The following ITGA8 variants were observed in gnomAD, a reference collection of about 807,000 sequenced individuals.
ITGA8 encodes the protein integrin subunit alpha 8.
A neutral mutation model predicts 142.3 loss-of-function variants in ITGA8; 91 were observed. The ratio of observed to expected loss-of-function variants is 0.64; its 90% CI spans 0.54 to 0.76. The LOEUF is 0.76. ITGA8 is among the 30% of genes least tolerant of loss of function. The pLI, the probability that ITGA8 is intolerant of heterozygous loss-of-function variation, is 0.00. For missense variants in ITGA8, 1,406 were observed against 1,327.7 expected (o/e 1.06, Z -0.92); for synonymous variants, 505 against 485.2 (o/e 1.04, Z -0.54).
At chr10:15,703,626 A>G (rs1265978718) in intron 2 of ITGA8, among the ~76,000 whole-genome samples, 2 of 152,206 alleles carry the variant, frequency 1.3e-5, no homozygotes, top group East Asian at 3.8e-4. Flanking sequence ...AGTGTGACAC[A>G]CAGAGCTGGT....
intron 27 of ITGA8, among the ~76,000 whole-genome samples, chr10:15,546,789 TG>T (rs1378123140): frequency 4.4e-5 from 4 of 91,304 alleles, no homozygotes; most frequent in Non-Finnish European, 8.6e-5. Context: ...GAAAAAGCAA[TG>T]AAAAAATAAA....
chr10:15,640,377 C>T (rs1181467110), intron 13 of ITGA8, among the ~76,000 whole-genome samples: 2 of 152,162 alleles, frequency 1.3e-5, no homozygotes, highest in Non-Finnish European at 2.9e-5. Context: ...CTGATGTTAT[C>T]GCTCTCAGGT....
rs76383213 is a variant in ITGA8, at chr10:15,605,498, T to A, written c.1970+226A>T. ...AAAACATTTTTTTCCCCACTTTTGC[T>A]GAAAGATGAAACGACCCAGGCAAAA... On this transcript the variant is annotated intron_variant, in intron 19 of 29. Coordinates refer to ENST00000378076, the MANE Select transcript of ITGA8 (RefSeq NM_003638.3). Among the ~76,000 whole-genome samples the A allele has an allele frequency of 1.7e-3, 262 of 152,216 alleles. 3 individuals carry two copies. Among genetic ancestry groups the A allele is most frequent in the African/African-American group, 6.1e-3 (252 of 41,532 alleles).
intron 4 of ITGA8, among the ~76,000 whole-genome samples, chr10:15,682,332 A>T (rs960814322): frequency 6.6e-6 from 1 of 152,150 alleles, no homozygotes; most frequent in Admixed American, 6.5e-5. Flanking sequence ...TTACTGCTCA[A>T]TGTGTGGTTT....
At chr10:15,662,326 CTTTTTTTTTTT>C (rs200922550) in intron 8 of ITGA8, among the ~76,000 whole-genome samples, 12,207 of 72,996 alleles carry the variant, frequency 0.17, 875 homozygotes, top group East Asian at 0.41. Context: ...TCAGAAGGTC[CTTTTTTTTTTT>C]TTTTTTTTTT....
intron 13 of ITGA8, among the ~76,000 whole-genome samples, chr10:15,618,568 A>G (rs1235253534): frequency 1.3e-5 from 2 of 152,124 alleles, no homozygotes; most frequent in Admixed American, 1.3e-4. Flanking sequence ...GCCAAAGGAG[A>G]TTAACATTTG....
intron 26 of ITGA8, among the ~76,000 whole-genome samples, chr10:15,554,282 G>A (rs17137460): frequency 6.6e-6 from 1 of 152,016 alleles, no homozygotes; most frequent in African/African-American, 2.4e-5. Flanking sequence ...TGATAACTCC[G>A]ACCGGGACCC....
At chr10:15,669,299 A>G (rs1012801391) in intron 8 of ITGA8, among the ~76,000 whole-genome samples, 7 of 152,022 alleles carry the variant, frequency 4.6e-5, no homozygotes, top group African/African-American at 1.7e-4. Flanking sequence ...CCTTTCTTCC[A>G]GTTGATTGCG....
chr10:15,684,419 T>C (rs1224606453), intron 3 of ITGA8, among the ~76,000 whole-genome samples: 3 of 151,466 alleles, frequency 2.0e-5, no homozygotes, highest in Admixed American at 2.0e-4. Flanking sequence ...CAGGCTGGAG[T>C]GCAGAGGCAT....
At position 15,606,515 on chromosome 10, in the gene ITGA8, A is replaced by G. The variant is rs148769124; in HGVS notation, c.1765-93T>C. On this transcript the variant is annotated intron_variant, in intron 17 of 29. Transcript: ENST00000378076. ...GTCAGGCAACACTGGAATTTACTCA[A>G]TGAAAGTGAATGATGAAACAATTAT... 61 of 1,171,240 alleles carry G rather than the reference A, an allele frequency of 5.2e-5. No homozygotes were observed. In the Admixed American group the frequency reaches 8.3e-4, roughly 16 times the overall value. 72.6% of individuals were successfully genotyped at this position (1,171,240 alleles called of 1,614,324 possible).
Position 15,642,907 on chromosome 10 carries a change from C to T in ITGA8, c.1399+1123G>A, listed in dbSNP as rs561959854. ...AAAATAGCTCTACATATGGAAAATT[C>T]CCAATCAGGGGAGGGGCTAGTGGAA... On this transcript the variant is annotated intron_variant, in intron 13 of 29. Transcript: ENST00000378076. Among the ~76,000 whole-genome samples the T allele has an allele frequency of 4.7e-4, 71 of 152,236 alleles. 1 individual carries two copies. The South Asian group carries it at 0.014, about 30-fold the overall frequency.
chr10:15,637,543 C>T (rs1033578311), intron 13 of ITGA8, among the ~76,000 whole-genome samples: 1 of 146,326 alleles, frequency 6.8e-6, no homozygotes, highest in African/African-American at 2.5e-5. Flanking sequence ...CAGGGTCTCA[C>T]TCCTGTTGTC....
At chr10:15,603,603 G>T (rs1833142037) in intron 20 of ITGA8, among the ~76,000 whole-genome samples, 1 of 152,192 alleles carries the variant, frequency 6.6e-6, no homozygotes, top group South Asian at 2.1e-4. Context: ...TTCATGTTCT[G>T]ATAAGGAAGG....
chr10:15,629,562 C>T (rs766896830), intron 13 of ITGA8, among the ~76,000 whole-genome samples: 27 of 152,150 alleles, frequency 1.8e-4, no homozygotes, highest in Admixed American at 6.5e-4. Flanking sequence ...TTTTCCCTAC[C>T]CTCCTCTTAA....
intron 25 of ITGA8, among the ~76,000 whole-genome samples, chr10:15,558,794 C>T (rs1833927180): frequency 6.6e-6 from 1 of 152,208 alleles, no homozygotes; most frequent in South Asian, 2.1e-4. Context: ...CTGTTTTCAG[C>T]CCTGAGTTCG....
chr10:15,671,526 G>C (rs1162690344), intron 8 of ITGA8, 77 bp downstream of exon 8: 5 of 1,196,920 alleles, frequency 4.2e-6, no homozygotes, highest in Non-Finnish European at 3.7e-6. Flanking sequence ...AAATCACATT[G>C]ATAGAAAAAA....
At chr10:15,565,933 T>G (rs1268262170) in intron 25 of ITGA8, among the ~76,000 whole-genome samples, 1 of 151,874 alleles carries the variant, frequency 6.6e-6, no homozygotes, top group Non-Finnish European at 1.5e-5. Context: ...TGCGCACGCG[T>G]GAGTGAGAGA....
At chr10:15,694,785 TATA>T (rs947813690) in intron 2 of ITGA8, among the ~76,000 whole-genome samples, 2 of 146,982 alleles carry the variant, frequency 1.4e-5, no homozygotes, top group African/African-American at 5.0e-5. Context: ...GACACAAAAG[TATA>T]ATATGTTGTT....
chr10:15,528,197 A>G (rs1833215889), intron 28 of ITGA8, among the ~76,000 whole-genome samples: 1 of 152,038 alleles, frequency 6.6e-6, no homozygotes, highest in South Asian at 2.1e-4. Context: ...TGGCCTCCCA[A>G]AGTGCTGGGA....
Sources: allele counts gnomAD v4.1 joint callset (sites outside exome capture counted in the v4.1 genomes callset), GRCh38; gene constraint gnomAD v4.1.1; transcripts MANE v1.5; gene names NCBI Gene and HGNC (gene_info 2026-07-23, HGNC 2026-07-21).